SLC16A10: variants seen among roughly 807,000 people sequenced by gnomAD.
SLC16A10 encodes the protein monocarboxylate transporter 10.
In SLC16A10, 27 loss-of-function variants were observed where a neutral mutation model predicts 40.0. The ratio of observed to expected loss-of-function variants is 0.67; its 90% CI spans 0.50 to 0.93. The LOEUF (loss-of-function observed/expected upper bound fraction) is 0.93. Ranked by LOEUF, SLC16A10 falls within the 40% of genes least tolerant of loss-of-function variation. The pLI is 0.00. For synonymous variants in SLC16A10, 213 were observed against 249.8 expected (o/e 0.85, Z 1.39); for missense variants, 529 against 658.2 (o/e 0.80, Z 2.15).
intron 1 of SLC16A10, among the ~76,000 whole-genome samples, chr6:111,129,535 A>C (rs1208030712): frequency 6.6e-6 from 1 of 152,264 alleles, no homozygotes; most frequent in African/African-American, 2.4e-5. Context: ...AGTTCTTGAC[A>C]AATGCTATTT....
At chr6:111,148,950 T>G (rs1040903) in intron 1 of SLC16A10, among the ~76,000 whole-genome samples, 75,298 of 151,966 alleles carry the variant, frequency 0.5, 19,537 homozygotes, top group East Asian at 0.68. Flanking sequence ...TCTCCTTTAC[T>G]TATGCTGGCC....
intron 1 of SLC16A10, among the ~76,000 whole-genome samples, chr6:111,144,868 G>A (rs945512698): frequency 9.2e-5 from 14 of 151,756 alleles, no homozygotes; most frequent in Non-Finnish European, 1.8e-4. Flanking sequence ...TTCCTGAGAC[G>A]GAGTCTCCCT....
intron 1 of SLC16A10, among the ~76,000 whole-genome samples, chr6:111,147,315 T>C (rs1456565870): frequency 2.0e-5 from 3 of 152,224 alleles, no homozygotes; most frequent in Admixed American, 2.0e-4. Context: ...CCAAATTTGA[T>C]TTACTTCTAA....
At chr6:111,136,101 A>G (rs1456094098) in intron 1 of SLC16A10, among the ~76,000 whole-genome samples, 1 of 152,204 alleles carries the variant, frequency 6.6e-6, no homozygotes, top group African/African-American at 2.4e-5. Flanking sequence ...AGACCATTAT[A>G]TACACTAATT....
chr6:111,217,161 C>G (rs529699177), intron 4 of SLC16A10, among the ~76,000 whole-genome samples: 1 of 152,354 alleles, frequency 6.6e-6, no homozygotes, highest in East Asian at 1.9e-4. Flanking sequence ...CTGCTGCCCC[C>G]GTGGGCCATG....
At chr6:111,156,193 G>A (rs1772266884) in intron 1 of SLC16A10, among the ~76,000 whole-genome samples, 1 of 152,148 alleles carries the variant, frequency 6.6e-6, no homozygotes, top group Admixed American at 6.5e-5. Context: ...AAATGTGGGA[G>A]ACTAGACAAA....
intron 3 of SLC16A10, among the ~76,000 whole-genome samples, chr6:111,203,719 C>CAAATAAATAAATAAAT (rs60881476): frequency 0.03 from 4,198 of 138,086 alleles, 85 homozygotes; most frequent in Non-Finnish European, 0.036. Flanking sequence ...AACCCCATCT[C>CAAATAAATAAATAAAT]AAATAAATAA....
At chr6:111,199,612 C>T (rs1171822222) in intron 3 of SLC16A10, among the ~76,000 whole-genome samples, 5 of 152,004 alleles carry the variant, frequency 3.3e-5, no homozygotes, top group African/African-American at 4.8e-5. Flanking sequence ...TAAATAATTT[C>T]AAATTACCTA....
intron 1 of SLC16A10, among the ~76,000 whole-genome samples, chr6:111,090,970 G>A (rs1770964405): frequency 6.6e-6 from 1 of 152,134 alleles, no homozygotes; most frequent in South Asian, 2.1e-4. Flanking sequence ...AGGTGGTGGT[G>A]GAATGGAATC....
At chr6:111,188,930 G>A (rs919050161) in intron 3 of SLC16A10, among the ~76,000 whole-genome samples, 1 of 152,126 alleles carries the variant, frequency 6.6e-6, no homozygotes, top group Non-Finnish European at 1.5e-5. Flanking sequence ...TTTGCCTAAG[G>A]TTGCACAGTT....
rs1263383541 is a variant in SLC16A10, at chr6:111,111,446, C to T, written c.343+23351C>T. Among the ~76,000 whole-genome samples, 16 of 152,204 alleles carry T rather than the reference C, an allele frequency of 1.1e-4. No homozygotes were observed. In the East Asian group the frequency reaches 3.1e-3, roughly 29 times the overall value. Reference sequence around the variant, plus strand: ...CAAGAATAAAATTTTATCATCTGGTCATGGTGGCTCACGCCTGTAATCACA... The same window carrying T: ...CAAGAATAAAATTTTATCATCTGGTTATGGTGGCTCACGCCTGTAATCACA... On this transcript the variant is annotated intron_variant, in intron 1 of 5. Transcript: ENST00000368851.
chr6:111,200,107 C>T (rs1219123593), intron 3 of SLC16A10, among the ~76,000 whole-genome samples: 1 of 152,158 alleles, frequency 6.6e-6, no homozygotes, highest in East Asian at 1.9e-4. Flanking sequence ...ACCAATCACC[C>T]ATGCCTCCTA....
At chr6:111,106,287 A>T (rs1414808720) in intron 1 of SLC16A10, among the ~76,000 whole-genome samples, 4 of 152,204 alleles carry the variant, frequency 2.6e-5, no homozygotes, top group African/African-American at 9.6e-5. Context: ...AGTTTTTGAT[A>T]TTGACTTCAA....
rs181024795 is a variant in SLC16A10, at chr6:111,096,979, C to T, written c.343+8884C>T. Among the ~76,000 whole-genome samples, 183 of 152,224 alleles carry T rather than the reference C, an allele frequency of 1.2e-3. 1 individual carries two copies. Among genetic ancestry groups the T allele is most frequent in the African/African-American group, 4.1e-3 (172 of 41,546 alleles). ...GGATTACAGGCACATACCACCACAC[C>T]TGGCTAATTTTTAAAAATTTTTTTG... On this transcript the variant is annotated intron_variant, in intron 1 of 5. Coordinates refer to ENST00000368851, the MANE Select transcript of SLC16A10 (RefSeq NM_018593.5).
chr6:111,190,523 G>A (rs533532218), intron 3 of SLC16A10, among the ~76,000 whole-genome samples: 1 of 152,354 alleles, frequency 6.6e-6, no homozygotes, highest in South Asian at 2.1e-4. Flanking sequence ...CCTTAGCAGA[G>A]GTTCTTCATG....
At chr6:111,136,604 GA>G (rs991910764) in intron 1 of SLC16A10, among the ~76,000 whole-genome samples, 7 of 152,338 alleles carry the variant, frequency 4.6e-5, no homozygotes, top group African/African-American at 1.7e-4. Context: ...AGACAATGAA[GA>G]AAAGATAGAA....
chr6:111,096,617 T>C (rs1771078910), intron 1 of SLC16A10, among the ~76,000 whole-genome samples: 1 of 152,180 alleles, frequency 6.6e-6, no homozygotes, highest in Non-Finnish European at 1.5e-5. Flanking sequence ...GCAAAAGTAA[T>C]TCCTCACCTT....
chr6:111,140,487 A>T (rs1213894718), intron 1 of SLC16A10, among the ~76,000 whole-genome samples: 1 of 151,858 alleles, frequency 6.6e-6, no homozygotes, highest in Non-Finnish European at 1.5e-5. Context: ...AAAGGAACAG[A>T]ATGTTACCAG....
chr6:111,157,066 G>A (rs1019071047), intron 1 of SLC16A10, among the ~76,000 whole-genome samples: 1 of 145,974 alleles, frequency 6.9e-6, no homozygotes, highest in Non-Finnish European at 1.5e-5. Context: ...TTACAGGCAC[G>A]CGCCACCACA....
Sources: allele counts gnomAD v4.1 joint callset (sites outside exome capture counted in the v4.1 genomes callset), GRCh38; gene constraint gnomAD v4.1.1; transcripts MANE v1.5; gene names NCBI Gene and HGNC (gene_info 2026-07-23, HGNC 2026-07-21).